Variants in SEPTIN9 observed in about 807,000 individuals in gnomAD.
The protein encoded by SEPTIN9 is septin-9.
In SEPTIN9, 13 loss-of-function variants were observed where a neutral mutation model predicts 56.6. The observed-to-expected ratio is 0.23, with a 90% CI of 0.15 to 0.37. The LOEUF (loss-of-function observed/expected upper bound fraction) is 0.37. Among genes scored for constraint, SEPTIN9 ranks in the 10% least tolerant of loss-of-function variants. SEPTIN9 has a pLI of 1.00. For missense variants in SEPTIN9, 650 were observed against 823.1 expected (o/e 0.79, Z 2.57); for synonymous variants, 332 against 334.1 (o/e 0.99, Z 0.07).
At chr17:77,404,974 G>A in intron 3 of SEPTIN9, 2 of 1,025,976 alleles carry the variant, frequency 1.9e-6, no homozygotes, top group Non-Finnish European at 2.8e-6. Context: ...GTTGGTGCAG[G>A]ACCTTTGTTT....
Position 77,474,873 on chromosome 17 carries a change from A to T in SEPTIN9, c.722-7271A>T, listed in dbSNP as rs939406964. Among the ~76,000 whole-genome samples the T allele has an allele frequency of 2.6e-5, 4 of 152,120 alleles. No individual in the cohort carries two copies. In the South Asian group the frequency reaches 8.3e-4, roughly 32 times the overall value. On this transcript the variant is annotated intron_variant, in intron 3 of 11. Coordinates refer to ENST00000427177, the MANE Select transcript of SEPTIN9 (RefSeq NM_001113491.2). Reference sequence around the variant, plus strand: ...ATAATAGCTCCTGAGCAGCGTTTAGAGTAACACCTGGGGCTCGGTGCAGTG... The same window carrying T: ...ATAATAGCTCCTGAGCAGCGTTTAGTGTAACACCTGGGGCTCGGTGCAGTG...
intron 4 of SEPTIN9, among the ~76,000 whole-genome samples, chr17:77,486,064 C>G (rs972974719): frequency 6.6e-6 from 1 of 152,168 alleles, no homozygotes; most frequent in Non-Finnish European, 1.5e-5. Context: ...AATCCACCCT[C>G]CTCAGCCTCC....
At chr17:77,351,449 T>G (rs1276980347) in intron 2 of SEPTIN9, among the ~76,000 whole-genome samples, 1 of 152,194 alleles carries the variant, frequency 6.6e-6, no homozygotes, top group Non-Finnish European at 1.5e-5. Context: ...CCTATGGCAC[T>G]GGGGACATTG....
intron 1 of SEPTIN9, among the ~76,000 whole-genome samples, chr17:77,291,854 G>C (rs1026967269): frequency 1.3e-5 from 2 of 152,238 alleles, no homozygotes; most frequent in Admixed American, 1.3e-4. Context: ...GATTGCGCAT[G>C]ATGAGTCCCT....
rs1362528964 is a variant in SEPTIN9, at chr17:77,405,310, G to A, written c.721+2607G>A. 6.6e-6 allele frequency among the ~76,000 whole-genome samples: 1 copy of A among 152,162 alleles called. No individual in the cohort carries two copies. Among genetic ancestry groups the A allele is most frequent in the Non-Finnish European group, 1.5e-5 (1 of 68,028 alleles). On this transcript the variant is annotated intron_variant, in intron 3 of 11. Transcript: ENST00000427177. The surrounding 1 kb of genome is among the most constrained non-coding windows in gnomAD (Gnocchi z 5.8). ...CGTGAGCAGGATGGCTGGGACACAA[G>A]GAGTGTCCAGGGAGCTTCCCCAGCA...
chr17:77,306,655 T>C (rs2032278009), intron 1 of SEPTIN9, among the ~76,000 whole-genome samples: 1 of 152,264 alleles, frequency 6.6e-6, no homozygotes. Context: ...TGAAGGGGGC[T>C]GGGTCAGGAC....
At chr17:77,380,675 C>T (rs1212173433) in intron 2 of SEPTIN9, among the ~76,000 whole-genome samples, 2 of 152,262 alleles carry the variant, frequency 1.3e-5, no homozygotes, top group Non-Finnish European at 2.9e-5. Flanking sequence ...CCCATCCACC[C>T]GCTTCCCCTC....
In SEPTIN9 at chr17:77,373,258, G is replaced by A. The variant is rs2034782429; in HGVS notation, c.77-28801G>A. The A allele has an allele frequency of 4.4e-6, 5 of 1,137,662 alleles. No homozygotes were observed. The Admixed American group carries it at 1.5e-4, about 33-fold the overall frequency. 70.5% of individuals were successfully genotyped at this position (1,137,662 alleles called of 1,614,324 possible). A position where few individuals can be genotyped will look rare whatever the true frequency, so the allele number is the denominator to read the frequency against. On this transcript the variant is annotated intron_variant, in intron 2 of 11. Coordinates refer to ENST00000427177, the MANE Select transcript of SEPTIN9 (RefSeq NM_001113491.2). ...GACAGGGAGGCCGGTGCGGGTGCGG[G>A]AACCTGATCCGCCCGGGAGGCGGGG...
In SEPTIN9 at chr17:77,389,925, T is replaced by C. The variant is rs984877938; in HGVS notation, c.77-12134T>C. ...GGTGCTCCCATTCCCATAGCTGATT[T>C]AGTAAAGAAAAGAGGAAGTCCAGCA... On this transcript the variant is annotated intron_variant, in intron 2 of 11. Coordinates refer to ENST00000427177, the MANE Select transcript of SEPTIN9 (RefSeq NM_001113491.2). The surrounding 1 kb of genome is among the most constrained non-coding windows in gnomAD (Gnocchi z 4.3). Among the ~76,000 whole-genome samples, 1 of 152,024 alleles carries C rather than the reference T, an allele frequency of 6.6e-6. No homozygotes were observed. Among genetic ancestry groups the C allele is most frequent in the Non-Finnish European group, 1.5e-5 (1 of 67,982 alleles).
chr17:77,418,011 G>A (rs2036564016), intron 3 of SEPTIN9, among the ~76,000 whole-genome samples: 1 of 152,194 alleles, frequency 6.6e-6, no homozygotes, highest in South Asian at 2.1e-4. Context: ...GGAGTGGGGG[G>A]CTCCTCATTC....
intron 2 of SEPTIN9, among the ~76,000 whole-genome samples, chr17:77,312,430 C>T (rs2032538094): frequency 6.6e-6 from 1 of 152,066 alleles, no homozygotes; most frequent in Non-Finnish European, 1.5e-5. Context: ...AGTGCTCGGG[C>T]CCCCCCTGGA....
chr17:77,358,911 A>G (rs578186848), intron 2 of SEPTIN9, among the ~76,000 whole-genome samples: 1 of 152,266 alleles, frequency 6.6e-6, no homozygotes, highest in African/African-American at 2.4e-5. Context: ...CCCACGTCCC[A>G]GTCCAAGTGT....
At chr17:77,361,563 A>T (rs1307862945) in intron 2 of SEPTIN9, among the ~76,000 whole-genome samples, 1 of 151,676 alleles carries the variant, frequency 6.6e-6, no homozygotes, top group Non-Finnish European at 1.5e-5. Flanking sequence ...CCAATTGGAC[A>T]AAGCTGTTTT....
chr17:77,295,361 G>A (rs186757221), intron 1 of SEPTIN9, among the ~76,000 whole-genome samples: 34 of 152,228 alleles, frequency 2.2e-4, no homozygotes, highest in Middle Eastern at 3.4e-3. Context: ...TGTGACCAGA[G>A]TCCAGGGGCC....
rs768212456 is a variant in SEPTIN9 at position 77,445,522 on chromosome 17, G to A, written c.722-36622G>A. On this transcript the variant is annotated intron_variant, in intron 3 of 11. Coordinates refer to ENST00000427177, the MANE Select transcript of SEPTIN9 (RefSeq NM_001113491.2). This position sits in a 1 kb window ranked among gnomAD's most constrained non-coding sequence, Gnocchi z 4.7. ...ACTGGGGGTTGGTGCATGTGTGCAC[G>A]CACGTGTGTGTGTGTGTGCGTGCGT... The A allele has an allele frequency of 4.0e-5, 17 of 423,550 alleles. No individual in the cohort carries two copies. Among genetic ancestry groups the A allele is most frequent in the Non-Finnish European group, 7.4e-5 (15 of 202,078 alleles). The allele number at this position is 423,550 out of a possible 1,614,324, so 26.2% of individuals were successfully genotyped here. A position where few individuals can be genotyped will look rare whatever the true frequency, so the allele number is the denominator to read the frequency against.
Position 77,458,373 on chromosome 17 carries a change from C to T in SEPTIN9, c.722-23771C>T, listed in dbSNP as rs139088172. Among the ~76,000 whole-genome samples the T allele has an allele frequency of 1.1e-4, 16 of 152,322 alleles. No homozygotes were observed. In the East Asian group the frequency reaches 1.5e-3, roughly 15 times the overall value. Reference sequence around the variant, plus strand: ...TGCCTTGTTCCAGCCCCGGCACCGCCGCTGTCCTTGTGCTCAGTGGAGACT... The same window carrying T: ...TGCCTTGTTCCAGCCCCGGCACCGCTGCTGTCCTTGTGCTCAGTGGAGACT... On this transcript the variant is annotated intron_variant, in intron 3 of 11. Transcript: ENST00000427177.
intron 3 of SEPTIN9, among the ~76,000 whole-genome samples, chr17:77,479,428 C>T (rs539838993): frequency 3.6e-4 from 55 of 152,344 alleles, no homozygotes; most frequent in Admixed American, 2.4e-3. Context: ...TTGCTCTCTG[C>T]GTGCGTGCCT....
rs568078300 is a variant in SEPTIN9, at chr17:77,499,862, A to G, written c.*1204A>G. 253 of 295,414 alleles carry G rather than the reference A, an allele frequency of 8.6e-4. No individual in the cohort carries two copies. Among genetic ancestry groups the G allele is most frequent in the Non-Finnish European group, 1.4e-3 (211 of 155,240 alleles). The allele number at this position is 295,414 out of a possible 1,614,324, so 18.3% of individuals were successfully genotyped here. ...GCCTGGGCCCCTCCCCTCAGAGCCC[A>G]TGGTAACGAACCCCTAGAAAGGAGA... On this transcript the variant is annotated 3_prime_UTR_variant, in exon 12 of 12. Transcript: ENST00000427177.
intron 4 of SEPTIN9, among the ~76,000 whole-genome samples, chr17:77,485,522 TGGTGATGATAAG>T (rs1220442728): frequency 6.6e-6 from 1 of 151,466 alleles, no homozygotes; most frequent in Non-Finnish European, 1.5e-5. Context: ...ATGGGGATGG[TGGTGATGATAAG>T]GGTGATGATG....
Sources: gnomAD v4.1 joint callset for allele counts (sites outside exome capture counted in the v4.1 genomes callset) on GRCh38, gnomAD v4.1.1 for gene constraint, Gnocchi (gnomAD v3.1) non-coding constraint, MANE v1.5 for transcripts, NCBI Gene and HGNC (gene_info 2026-07-23, HGNC 2026-07-21) for gene names.